Variants in WWP2 observed in about 807,000 individuals in gnomAD.
WWP2 encodes NEDD4-like E3 ubiquitin-protein ligase WWP2.
In WWP2, 57 loss-of-function variants were observed where a neutral mutation model predicts 121.0. The observed-to-expected ratio is 0.47, with a 90% confidence interval of 0.38 to 0.59. WWP2 has a LOEUF of 0.59. WWP2 is among the 20% of genes least tolerant of loss of function. The probability of loss-of-function intolerance (pLI) is 0.00; values close to 1 mark genes in which losing one functional copy is unlikely to be tolerated. For synonymous variants in WWP2, 449 were observed against 441.3 expected (o/e 1.02, Z -0.22); for missense variants, 962 against 1,158.9 (o/e 0.83, Z 2.47).
chr16:69,932,149 G>A (rs578193257), intron 16 of WWP2, among the ~76,000 whole-genome samples: 7 of 152,196 alleles, frequency 4.6e-5, no homozygotes, highest in Non-Finnish European at 7.3e-5. Flanking sequence ...GACCAACATG[G>A]AGAAACCCCG....
intron 4 of WWP2, among the ~76,000 whole-genome samples, chr16:69,828,734 C>T (rs2151855835): frequency 6.6e-6 from 1 of 152,228 alleles, no homozygotes; most frequent in East Asian, 1.9e-4. Flanking sequence ...CTCCTCACCT[C>T]AGGTGATCCA....
At chr16:69,790,317 G>A (rs2055881589) in intron 2 of WWP2, among the ~76,000 whole-genome samples, 1 of 152,226 alleles carries the variant, frequency 6.6e-6, no homozygotes, top group South Asian at 2.1e-4. Context: ...ATTATATACT[G>A]TATTTTTACA....
At chr16:69,887,176 A>G (rs2057940379) in intron 7 of WWP2, among the ~76,000 whole-genome samples, 1 of 152,158 alleles carries the variant, frequency 6.6e-6, no homozygotes, top group South Asian at 2.1e-4. Flanking sequence ...CTTCTGTCTC[A>G]TTGTCTATTA....
rs1354372161 is a variant in WWP2 at position 69,888,046 on chromosome 16, T to C, written c.711T>C (p.Asp237=). ...TGATTTGTGCATCTTCAGTGAATGA[T>C]GAACCCACAACAGCCACTGATCCCG... The part of the protein sequence containing the change: ...HSGLANGTVN[D]EPTTATDPEE... Residue 237 remains aspartate (D), a synonymous_variant, in exon 8 of 24, where the codon GAT becomes GAC. Coordinates refer to ENST00000359154, the MANE Select transcript of WWP2 (RefSeq NM_001270454.2). The C allele has an allele frequency of 1.2e-6, 2 of 1,614,222 alleles. No individual in the cohort carries two copies. Among genetic ancestry groups the C allele is most frequent in the South Asian group, 2.2e-5 (2 of 91,074 alleles).
intron 5 of WWP2, 114 bp downstream of exon 5, chr16:69,840,377 A>G: frequency 7.0e-7 from 1 of 1,437,216 alleles, no homozygotes; most frequent in Non-Finnish European, 9.5e-7. Context: ...ATTCCCACTC[A>G]GCCTGGCCCA....
At chr16:69,929,605 G>A in intron 12 of WWP2, 76 bp downstream of exon 12, 3 of 1,319,002 alleles carry the variant, frequency 2.3e-6, no homozygotes, top group Non-Finnish European at 3.3e-6. Flanking sequence ...AGGTGGCTTT[G>A]GACTGCATCG....
At chr16:69,931,290 C>A in intron 14 of WWP2, 63 bp downstream of exon 14, 1 of 1,585,666 alleles carries the variant, frequency 6.3e-7, no homozygotes, top group South Asian at 1.1e-5. Context: ...AGTGTGAGTT[C>A]CCGGCACAGC....
At chr16:69,890,517 A>C (rs1325769789) in intron 8 of WWP2, among the ~76,000 whole-genome samples, 2 of 152,046 alleles carry the variant, frequency 1.3e-5, no homozygotes, top group African/African-American at 2.4e-5. Context: ...TTTGGTTTGT[A>C]ATTTCAAGCC....
chr16:69,920,101 C>T (rs764437368), intron 10 of WWP2, among the ~76,000 whole-genome samples: 23 of 152,178 alleles, frequency 1.5e-4, no homozygotes, highest in Middle Eastern at 6.8e-3. Context: ...AGCTGATGGA[C>T]CCCCGACTTT....
intron 4 of WWP2, among the ~76,000 whole-genome samples, chr16:69,810,254 G>A (rs1249625118): frequency 6.6e-6 from 1 of 152,126 alleles, no homozygotes; most frequent in African/African-American, 2.4e-5. Context: ...TTTCACTCAC[G>A]TCCCGCAGTG....
In WWP2 at chr16:69,912,702, A is replaced by ATCT. The variant is rs200013543; in HGVS notation, c.1004+3853_1004+3855dup. Among the ~76,000 whole-genome samples, 14 of 151,614 alleles carry ATCT rather than the reference A, an allele frequency of 9.2e-5. No individual in the cohort carries two copies. In the East Asian group the frequency reaches 2.7e-3, roughly 29 times the overall value. On this transcript the variant is annotated intron_variant, in intron 9 of 23. Coordinates refer to ENST00000359154, the MANE Select transcript of WWP2 (RefSeq NM_001270454.2). Reference sequence around the variant, plus strand: ...GGTCACTCTACAGTCTGCAGCCCTCATCTGAGGATACAGAACTCAGTCAGT... The same window carrying ATCT: ...GGTCACTCTACAGTCTGCAGCCCTCATCTTCTGAGGATACAGAACTCAGTCAGT...
At chr16:69,839,267 G>A (rs2965756) in intron 4 of WWP2, among the ~76,000 whole-genome samples, 128,010 of 152,182 alleles carry the variant, frequency 0.84, 54,143 homozygotes, top group Admixed American at 0.9. Context: ...ATTATTAAAC[G>A]GCCCTGAACT....
At chr16:69,896,380 C>G (rs964046769) in intron 8 of WWP2, among the ~76,000 whole-genome samples, 18 of 152,156 alleles carry the variant, frequency 1.2e-4, no homozygotes, top group Admixed American at 3.9e-4. Context: ...CTTGGCCTAC[C>G]AAAGTGCTGG....
chr16:69,936,250 C>G, intron 18 of WWP2, 62 bp from the exon 19 acceptor site: 1 of 1,607,606 alleles, frequency 6.2e-7, no homozygotes, highest in Admixed American at 1.7e-5. Context: ...GGCAACAGAG[C>G]AGGATCCAGG....
chr16:69,793,228 C>G (rs913594233), intron 2 of WWP2, among the ~76,000 whole-genome samples: 2 of 152,068 alleles, frequency 1.3e-5, no homozygotes, highest in Admixed American at 1.3e-4. Flanking sequence ...TGGCAGGCGC[C>G]TGTAATCCCA....
intron 6 of WWP2, among the ~76,000 whole-genome samples, chr16:69,846,958 C>G (rs1393577509): frequency 6.6e-6 from 1 of 152,006 alleles, no homozygotes; most frequent in Non-Finnish European, 1.5e-5. Context: ...CAGTGGCTCA[C>G]CCACAGCTCA....
intron 4 of WWP2, among the ~76,000 whole-genome samples, chr16:69,836,584 C>A (rs1020833880): frequency 2.0e-5 from 3 of 152,150 alleles, no homozygotes; most frequent in African/African-American, 7.2e-5. Context: ...GGCCCTCTCT[C>A]TCCTCATTGG....
intron 4 of WWP2, among the ~76,000 whole-genome samples, chr16:69,809,786 GAGAC>G (rs745856288): frequency 3.7e-4 from 56 of 150,900 alleles, no homozygotes; most frequent in Non-Finnish European, 6.2e-4. Flanking sequence ...AAGAGAGAGA[GAGAC>G]AGAGAGAGAG....
chr16:69,935,994 C>A lies in WWP2; in HGVS notation c.1976+8C>A, dbSNP rs772092470. 2 of 1,613,276 alleles carry A rather than the reference C, an allele frequency of 1.2e-6. No homozygotes were observed. Among genetic ancestry groups the A allele is most frequent in the South Asian group, 2.2e-5 (2 of 90,942 alleles). On this transcript the variant is annotated splice_region_variant and intron_variant, in intron 18 of 23. Transcript: ENST00000359154. The surrounding 1 kb of genome is among the most constrained non-coding windows in gnomAD (Gnocchi z 5.2). ...CTCCATTGTCTGGATCAAGTGAGTT[C>A]CCTGCCCCCTTGCCCCACCGCGCTG...
Sources: gnomAD v4.1 joint callset for allele counts (sites outside exome capture counted in the v4.1 genomes callset) on GRCh38, gnomAD v4.1.1 for gene constraint, Gnocchi (gnomAD v3.1) non-coding constraint, MANE v1.5 for transcripts, NCBI Gene and HGNC (gene_info 2026-07-23, HGNC 2026-07-21) for gene names.